Variants in RAB38 observed in about 807,000 individuals in gnomAD.
The protein encoded by RAB38 is ras-related protein Rab-38.
Under a neutral mutation model 18.4 loss-of-function variants are expected in RAB38, and 15 were observed. That is an observed-to-expected ratio of 0.82 (90% CI 0.55 to 1.26). The LOEUF (loss-of-function observed/expected upper bound fraction) is 1.26, where lower values mean the gene tolerates loss of function less well. RAB38 is among the 50% of genes most tolerant of loss of function. The probability of loss-of-function intolerance (pLI) is 0.00; values close to 1 mark genes in which losing one functional copy is unlikely to be tolerated. For synonymous variants in RAB38, 101 were observed against 104.4 expected, an observed-to-expected ratio of 0.97 and a Z score of 0.20; for missense variants, 294 against 267.4, an observed-to-expected ratio of 1.10 and a Z score of -0.69.
At chr11:88,129,173 T>A (rs915295106) in intron 2 of RAB38, among the ~76,000 whole-genome samples, 2 of 151,982 alleles carry the variant, frequency 1.3e-5, no homozygotes, top group Non-Finnish European at 2.9e-5. Context: ...CCTTAACATA[T>A]ACAGAATAAG....
At chr11:88,051,081 T>G in the RAB38 span, among the ~76,000 whole-genome samples, 1 of 152,210 alleles carries the variant, frequency 6.6e-6, no homozygotes, top group Non-Finnish European at 1.5e-5. Context: ...TTTGATTTTT[T>G]AAAATATCGC....
At chr11:87,925,890 G>A in the RAB38 span, among the ~76,000 whole-genome samples, 136 of 151,884 alleles carry the variant, frequency 9.0e-4, no homozygotes, top group South Asian at 1.7e-3. Context: ...ATTTTGACAC[G>A]AACTCATCTA....
the RAB38 span, among the ~76,000 whole-genome samples, chr11:88,095,968 C>T: frequency 2.6e-5 from 4 of 152,004 alleles, no homozygotes; most frequent in African/African-American, 9.6e-5. Flanking sequence ...GCAGCATCAT[C>T]GTGTGCTTGG....
the RAB38 span, among the ~76,000 whole-genome samples, chr11:88,037,355 A>T: frequency 6.6e-6 from 1 of 152,106 alleles, no homozygotes; most frequent in African/African-American, 2.4e-5. Context: ...ATAATTACAT[A>T]ATAGTGGTTT....
At chr11:88,105,443 C>T in the RAB38 span, among the ~76,000 whole-genome samples, 2 of 152,120 alleles carry the variant, frequency 1.3e-5, no homozygotes, top group Non-Finnish European at 2.9e-5. Flanking sequence ...GCAATCTGTT[C>T]TGAACAAATG....
At chr11:87,930,241 T>C in the RAB38 span, among the ~76,000 whole-genome samples, 4 of 152,214 alleles carry the variant, frequency 2.6e-5, no homozygotes, top group African/African-American at 9.6e-5. Context: ...TTCCCGACTT[T>C]TTAATGATCG....
chr11:87,841,615 T>C, the RAB38 span, among the ~76,000 whole-genome samples: 1 of 152,202 alleles, frequency 6.6e-6, no homozygotes. Context: ...TTTTCTGAGT[T>C]TGGATGTTTG....
chr11:88,122,388 A>C (rs1208162415), intron 2 of RAB38, among the ~76,000 whole-genome samples: 6 of 152,264 alleles, frequency 3.9e-5, no homozygotes, highest in African/African-American at 1.2e-4. Context: ...GAAAGAATAA[A>C]GATAAGCATA....
chr11:88,080,499 C>A, the RAB38 span, among the ~76,000 whole-genome samples: 2 of 151,688 alleles, frequency 1.3e-5, no homozygotes, highest in Admixed American at 6.6e-5. Flanking sequence ...CTGATGCAAG[C>A]CGAATCAAAA....
At chr11:88,124,992 A>C (rs1306975550) in intron 2 of RAB38, among the ~76,000 whole-genome samples, 1 of 152,166 alleles carries the variant, frequency 6.6e-6, no homozygotes, top group Non-Finnish European at 1.5e-5. Flanking sequence ...ATGCTTAGAG[A>C]TGATGATGGA....
the RAB38 span, among the ~76,000 whole-genome samples, chr11:87,950,311 A>C: frequency 5.6e-4 from 86 of 152,274 alleles, no homozygotes; most frequent in African/African-American, 1.9e-3. Context: ...TCCTGAATAC[A>C]GCACACTGAT....
At chr11:88,013,545 T>G in the RAB38 span, among the ~76,000 whole-genome samples, 1 of 152,162 alleles carries the variant, frequency 6.6e-6, no homozygotes, top group South Asian at 2.1e-4. Flanking sequence ...TCTAGCTGAT[T>G]CAAAATCTGA....
At chr11:87,902,366 C>A in the RAB38 span, among the ~76,000 whole-genome samples, 4 of 151,586 alleles carry the variant, frequency 2.6e-5, no homozygotes, top group Non-Finnish European at 4.4e-5. Flanking sequence ...ACTCAACTCT[C>A]TCCCATTGAA....
the RAB38 span, among the ~76,000 whole-genome samples, chr11:87,951,189 G>T: frequency 2.6e-5 from 4 of 152,100 alleles, no homozygotes; most frequent in African/African-American, 9.7e-5. Context: ...GGCTCCTGAG[G>T]CTTCTGCATT....
chr11:87,811,062 CTT>C, the RAB38 span, among the ~76,000 whole-genome samples: 1 of 152,196 alleles, frequency 6.6e-6, no homozygotes, highest in Non-Finnish European at 1.5e-5. Flanking sequence ...GATCCTAAGA[CTT>C]TGTAGGCTCT....
chr11:87,898,719 A>T, the RAB38 span, among the ~76,000 whole-genome samples: 10 of 151,702 alleles, frequency 6.6e-5, no homozygotes, highest in Non-Finnish European at 1.3e-4. Flanking sequence ...ATGGGGAAGA[A>T]CATCAGTTTC....
the RAB38 span, among the ~76,000 whole-genome samples, chr11:87,839,957 A>G: frequency 1.3e-5 from 2 of 152,194 alleles, no homozygotes; most frequent in African/African-American, 4.8e-5. Context: ...ACTGGCCTCA[A>G]AAGTACAGAG....
chr11:88,015,407 G>C, the RAB38 span, among the ~76,000 whole-genome samples: 1 of 152,054 alleles, frequency 6.6e-6, no homozygotes, highest in Non-Finnish European at 1.5e-5. Context: ...GTAACCTTGG[G>C]CAAGTTTTCT....
chr11:88,051,631 T>C, the RAB38 span, among the ~76,000 whole-genome samples: 278 of 152,076 alleles, frequency 1.8e-3, no homozygotes, highest in Non-Finnish European at 3.5e-3. Context: ...TCAACTTACA[T>C]GGGAAAAAGC....
Sources: allele counts gnomAD v4.1 joint callset (sites outside exome capture counted in the v4.1 genomes callset), GRCh38; gene constraint gnomAD v4.1.1; transcripts MANE v1.5; gene names NCBI Gene and HGNC (gene_info 2026-07-23, HGNC 2026-07-21).